Variants in CXCR5 observed in about 807,000 individuals in gnomAD.
CXCR5 encodes C-X-C motif chemokine receptor 5, also known as C-X-C chemokine receptor type 5.
A neutral mutation model predicts 5.6 loss-of-function variants in CXCR5; 3 were observed. The ratio of observed to expected loss-of-function variants is 0.54; its 90% CI spans 0.24 to 1.39. The LOEUF (loss-of-function observed/expected upper bound fraction) is 1.39, where lower values mean the gene tolerates loss of function less well. CXCR5 is among the 40% of genes most tolerant of loss of function. CXCR5 has a pLI of 0.16. For synonymous variants in CXCR5, 218 were observed against 219.9 expected (o/e 0.99, Z 0.08); for missense variants, 333 against 494.6 (o/e 0.67, Z 3.10).
At chr11:118,885,139 C>T (rs1339227019) in intron 1 of CXCR5, among the ~76,000 whole-genome samples, 1 of 152,146 alleles carries the variant, frequency 6.6e-6, no homozygotes, top group Admixed American at 6.5e-5. Flanking sequence ...GCCCGCCTCT[C>T]GCTTGCCCAG....
At chr11:118,885,009 T>A (rs1415551961) in intron 1 of CXCR5, among the ~76,000 whole-genome samples, 1 of 152,154 alleles carries the variant, frequency 6.6e-6, no homozygotes, top group African/African-American at 2.4e-5. Flanking sequence ...CTACCAACTC[T>A]CCTGTCCCAA....
chr11:118,886,241 C>T (rs1025278023), intron 1 of CXCR5: 1 of 420,378 alleles, frequency 2.4e-6, no homozygotes, highest in African/African-American at 2.1e-5. Flanking sequence ...TATTCTCCTC[C>T]TTGTCCTTGC....
chr11:118,886,021 C>T (rs980639846), intron 1 of CXCR5: 2 of 273,942 alleles, frequency 7.3e-6, no homozygotes, highest in South Asian at 6.7e-5. Flanking sequence ...CTCTCCTCCG[C>T]CCCCACCCAC....
At chr11:118,892,438 C>A (rs138214364) in intron 1 of CXCR5, among the ~76,000 whole-genome samples, 1 of 152,116 alleles carries the variant, frequency 6.6e-6, no homozygotes, top group Non-Finnish European at 1.5e-5. Flanking sequence ...ATCCCATCCT[C>A]TGCCTCCCTG....
At chr11:118,884,977 T>G (rs181639336) in intron 1 of CXCR5, among the ~76,000 whole-genome samples, 1 of 152,176 alleles carries the variant, frequency 6.6e-6, no homozygotes, top group African/African-American at 2.4e-5. Flanking sequence ...GGTTAGATCA[T>G]GAAGGAGCCA....
chr11:118,887,868 T>C (rs975770411), intron 1 of CXCR5: 2 of 152,286 alleles, frequency 1.3e-5, no homozygotes, highest in Non-Finnish European at 2.9e-5. Flanking sequence ...GAGCAATGAC[T>C]GGCGTCTGTG....
chr11:118,885,133 G>A (rs1216491690), intron 1 of CXCR5, among the ~76,000 whole-genome samples: 1 of 152,096 alleles, frequency 6.6e-6, no homozygotes, highest in African/African-American at 2.4e-5. Flanking sequence ...AGAGAAGCCC[G>A]CCTCTCGCTT....
At chr11:118,885,227 C>T (rs1274198327) in intron 1 of CXCR5, among the ~76,000 whole-genome samples, 5 of 152,134 alleles carry the variant, frequency 3.3e-5, no homozygotes, top group Admixed American at 1.3e-4. Flanking sequence ...CCTGGCCCCT[C>T]GGATCCAAAC....
At chr11:118,892,317 A>C (rs1465064679) in intron 1 of CXCR5, among the ~76,000 whole-genome samples, 3 of 152,148 alleles carry the variant, frequency 2.0e-5, no homozygotes, top group Admixed American at 6.5e-5. Flanking sequence ...CCTGAGAGGC[A>C]AGAAAGCCCT....
intron 1 of CXCR5, among the ~76,000 whole-genome samples, chr11:118,885,105 A>G (rs1375477457): frequency 6.6e-6 from 1 of 152,060 alleles, no homozygotes; most frequent in South Asian, 2.1e-4. Context: ...TCCACCAACC[A>G]TGTTCCCAGA....
intron 1 of CXCR5, among the ~76,000 whole-genome samples, chr11:118,890,590 G>A (rs1444293698): frequency 1.3e-5 from 2 of 152,072 alleles, no homozygotes; most frequent in African/African-American, 2.4e-5. Flanking sequence ...GTGTTGGGGT[G>A]TTGGGGAAAG....
At chr11:118,890,240 T>C (rs1391684106) in intron 1 of CXCR5, among the ~76,000 whole-genome samples, 1 of 152,094 alleles carries the variant, frequency 6.6e-6, no homozygotes, top group Non-Finnish European at 1.5e-5. Context: ...TGTCTAAGTC[T>C]CAGGTTATAA....
chr11:118,889,832 T>G (rs1396001418), intron 1 of CXCR5, among the ~76,000 whole-genome samples: 1 of 152,186 alleles, frequency 6.6e-6, no homozygotes, highest in African/African-American at 2.4e-5. Context: ...TAGGGAGATG[T>G]CCCACTGCAT....
At chr11:118,886,585 G>A in intron 1 of CXCR5, 1 of 357,090 alleles carries the variant, frequency 2.8e-6, no homozygotes, top group Non-Finnish European at 5.4e-6. Flanking sequence ...CCTGGGGTGG[G>A]TATGCCAGGG....
Position 118,896,375 on chromosome 11 carries a change from G to A in CXCR5, c.*1712G>A, listed in dbSNP as rs71482158. ...GTAGGCTGGCCTGTGGCGTGGGTGG[G>A]AGGAGAGGGGACGGAGAGGGCACTC... is the stretch of plus-strand genomic sequence containing the variant. On this transcript the variant is annotated 3_prime_UTR_variant, in exon 2 of 2. Transcript: ENST00000292174. 6.6e-6 allele frequency: 1 copy of A among 152,438 alleles called. No individual in the cohort carries two copies. Among genetic ancestry groups the A allele is most frequent in the Admixed American group, 6.5e-5 (1 of 15,280 alleles). 9.4% of individuals were successfully genotyped at this position (152,438 alleles called of 1,614,324 possible).
chr11:118,887,584 G>A, intron 1 of CXCR5: 1 of 286,120 alleles, frequency 3.5e-6, no homozygotes, highest in Non-Finnish European at 5.2e-6. Context: ...AAGGCTGTGG[G>A]TGCGGCAAGG....
In CXCR5 at chr11:118,887,413, G is replaced by C. The variant is rs60587297; in HGVS notation, c.51+3421G>C. On this transcript the variant is annotated intron_variant, in intron 1 of 1. Transcript: ENST00000292174. Reference sequence around the variant, plus strand: ...CTCTGTATCCAAAGGGCAAAGAGACGCTGGGGTGCCAGGTGGGGCTCCCTT... The same window carrying C: ...CTCTGTATCCAAAGGGCAAAGAGACCCTGGGGTGCCAGGTGGGGCTCCCTT... The C allele has an allele frequency of 1.6e-3, 1,554 of 985,520 alleles. 21 individuals are homozygous for C. The African/African-American group carries it at 0.025, about 16-fold the overall frequency. 61.0% of individuals were successfully genotyped at this position (985,520 alleles called of 1,614,324 possible). A position where few individuals can be genotyped will look rare whatever the true frequency, so the allele number is the denominator to read the frequency against.
chr11:118,886,063 T>C (rs907903480), intron 1 of CXCR5: 4 of 296,838 alleles, frequency 1.3e-5, no homozygotes, highest in Admixed American at 4.9e-5. Flanking sequence ...CTTGGCAGAC[T>C]GTCCCTCAGT....
At chr11:118,888,922 T>A (rs1456960872) in intron 1 of CXCR5, among the ~76,000 whole-genome samples, 2 of 152,176 alleles carry the variant, frequency 1.3e-5, no homozygotes, top group Non-Finnish European at 2.9e-5. Context: ...TTAGCAAATG[T>A]GAGCTGAGCT....
Sources: gnomAD v4.1 joint callset for allele counts (sites outside exome capture counted in the v4.1 genomes callset) on GRCh38, gnomAD v4.1.1 for gene constraint, MANE v1.5 for transcripts, NCBI Gene and HGNC (gene_info 2026-07-23, HGNC 2026-07-21) for gene names.